Variants in GSS observed in about 807,000 individuals in gnomAD.
The protein encoded by GSS is GSH synthetase.
GSS carries 34 observed loss-of-function variants against 60.4 expected under a neutral mutation model. The ratio of observed to expected loss-of-function variants is 0.56; its 90% CI spans 0.43 to 0.75. The LOEUF is 0.75. Among genes scored for constraint, GSS ranks in the 30% least tolerant of loss-of-function variants. The probability of loss-of-function intolerance (pLI) is 0.00; values close to 1 mark genes in which losing one functional copy is unlikely to be tolerated. For missense variants in GSS, 499 were observed against 595.1 expected (o/e 0.84, Z 1.68); for synonymous variants, 224 against 239.0 (o/e 0.94, Z 0.58).
intron 2 of GSS, 22 bp downstream of exon 2, chr20:34,951,702 T>TG (rs2081569505): frequency 1.3e-6 from 2 of 1,592,440 alleles, no homozygotes; most frequent in African/African-American, 2.7e-5. Context: ...GTGAATGCTG[T>TG]GGGGAGGAGC....
chr20:34,941,489 A>C (rs2081482412), intron 6 of GSS, among the ~76,000 whole-genome samples: 1 of 152,244 alleles, frequency 6.6e-6, no homozygotes, highest in African/African-American at 2.4e-5. Flanking sequence ...AATTGTTGAC[A>C]GTCATAATGA....
At chr20:34,936,698 G>A in intron 8 of GSS, 65 bp downstream of exon 8, 1 of 1,069,500 alleles carries the variant, frequency 9.4e-7, no homozygotes, top group Non-Finnish European at 1.5e-6. Context: ...GAATCATTTT[G>A]GGGAAGAGGG....
At chr20:34,954,682 TCAAATCTA>T (rs1764390305) in intron 1 of GSS, 1 of 153,778 alleles carries the variant, frequency 6.5e-6, no homozygotes, top group South Asian at 2.1e-4. Context: ...CTGATGACAT[TCAAATCTA>T]CATCTTCACA....
At position 34,931,978 on chromosome 20, in the gene GSS, G is replaced by A. The variant is rs775287326; in HGVS notation, c.990C>T (p.Arg330=). The A allele has an allele frequency of 6.8e-6, 11 of 1,614,182 alleles. No individual in the cohort carries two copies. The Admixed American group carries it at 1.8e-4, about 27-fold the overall frequency. ...AGAGGCCAGCAAAGGTGGCGCGGAG[G>A]CGGGCCACAGCCTCAGGCTGGCCAG... ...LLPGQPEAVA[R]LRATFAGLYS... is the part of the protein sequence containing the mutation. The change falls in exon 10 of 13, where the codon CGC becomes CGT. Residue 330 remains arginine, a synonymous_variant. Transcript: ENST00000651619.
intron 11 of GSS, 136 bp downstream of exon 11, chr20:34,931,200 T>G (rs1454153080): frequency 1.3e-6 from 1 of 756,508 alleles, no homozygotes; most frequent in African/African-American, 1.7e-5. Context: ...GGGGACACTG[T>G]CCAACATGTG....
At chr20:34,933,290 T>G (rs2081416689) in intron 9 of GSS, among the ~76,000 whole-genome samples, 1 of 152,158 alleles carries the variant, frequency 6.6e-6, no homozygotes, top group Non-Finnish European at 1.5e-5. Flanking sequence ...CAATAAATAT[T>G]TGTTGTTGTT....
chr20:34,947,035 T>C (rs945158617), intron 2 of GSS, among the ~76,000 whole-genome samples: 1 of 152,190 alleles, frequency 6.6e-6, no homozygotes, highest in Admixed American at 6.5e-5. Context: ...TTTGTCATTA[T>C]GGTGGTATAA....
At chr20:34,947,094 AT>A (rs575464358) in intron 2 of GSS, among the ~76,000 whole-genome samples, 41 of 147,322 alleles carry the variant, frequency 2.8e-4, no homozygotes, top group South Asian at 6.4e-4. Context: ...TTAAAGTACT[AT>A]TTTTTTTTTT....
At position 34,940,450 on chromosome 20, in the gene GSS, GGACA is replaced by G. The variant is rs748774727; in HGVS notation, c.608+1259_608+1262del. On this transcript the variant is annotated intron_variant, in intron 6 of 12. Transcript: ENST00000651619. ...CTTTGGGCTTAGTGAGGCTTAGCAA[GGACA>G]GAGAGGCTCCCTTGGAGGTAAGAGC... 8.7e-4 allele frequency among the ~76,000 whole-genome samples: 132 copies of G among 152,226 alleles called. 2 individuals carry two copies. The highest frequency in any genetic ancestry group is 3.1e-4 in the Non-Finnish European group (21 of 68,040).
Position 34,929,384 on chromosome 20 carries a change from T to G in GSS, c.1301+17A>C. 6.2e-7 allele frequency: 1 copy of G among 1,608,020 alleles called. No individual in the cohort carries two copies. Among genetic ancestry groups the G allele is most frequent in the Non-Finnish European group, 8.5e-7 (1 of 1,174,396 alleles). On this transcript the variant is annotated intron_variant, in intron 12 of 12. Coordinates refer to ENST00000651619, the MANE Select transcript of GSS (RefSeq NM_000178.4). Reference sequence around the variant, plus strand: ...TTGCAAGCAGGTAGTGGAAAGAGCTTCTCCTGATTGGCTCACCTGACATAG... The same window carrying G: ...TTGCAAGCAGGTAGTGGAAAGAGCTGCTCCTGATTGGCTCACCTGACATAG...
At chr20:34,937,048 G>C in intron 6 of GSS, 25 bp from the exon 7 acceptor site, 1 of 1,554,842 alleles carries the variant, frequency 6.4e-7, no homozygotes, top group Non-Finnish European at 8.9e-7. Flanking sequence ...CAGGTGGCCC[G>C]AGGCTACTAT....
intron 3 of GSS, among the ~76,000 whole-genome samples, chr20:34,944,496 C>T (rs1243968885): frequency 6.6e-6 from 1 of 152,086 alleles, no homozygotes; most frequent in Non-Finnish European, 1.5e-5. Context: ...CCATTATGAC[C>T]CCTTCTCATA....
intron 3 of GSS, among the ~76,000 whole-genome samples, 172 bp downstream of exon 3, chr20:34,945,781 C>T (rs1006172074): frequency 3.3e-5 from 5 of 152,166 alleles, no homozygotes; most frequent in East Asian, 1.9e-4. Flanking sequence ...AATAACTGGT[C>T]GAGCCAGGAT....
chr20:34,930,264 C>CA (rs34585562), intron 11 of GSS, among the ~76,000 whole-genome samples: 37,335 of 130,394 alleles, frequency 0.29, 6,006 homozygotes, highest in Non-Finnish European at 0.39. Context: ...GAATCCGTCT[C>CA]AAAAAAAAAA....
At chr20:34,953,918 CAAGT>C (rs2081589950) in intron 1 of GSS, among the ~76,000 whole-genome samples, 2 of 152,162 alleles carry the variant, frequency 1.3e-5, no homozygotes, top group Non-Finnish European at 2.9e-5. Flanking sequence ...ACTTCCCTTT[CAAGT>C]AAGATTGCTG....
chr20:34,931,264 G>C, intron 11 of GSS, 72 bp downstream of exon 11: 1 of 1,164,978 alleles, frequency 8.6e-7, no homozygotes, highest in South Asian at 1.2e-5. Flanking sequence ...CCCAGAGTAA[G>C]TGCCAATGAG....
chr20:34,931,582 C>T (rs939683012), intron 10 of GSS, 165 bp from the exon 11 acceptor site: 6 of 700,048 alleles, frequency 8.6e-6, no homozygotes, highest in East Asian at 2.7e-5. Flanking sequence ...TCCCAACAAA[C>T]CCCCTGCAGC....
At chr20:34,929,126 G>A (rs1265392014) in intron 12 of GSS, 175 bp from the exon 13 acceptor site, 6 of 781,004 alleles carry the variant, frequency 7.7e-6, no homozygotes, top group Non-Finnish European at 1.3e-5. Flanking sequence ...GTCAAACCAT[G>A]TGTTCTGAGT....
At chr20:34,951,042 AC>A (rs936898822) in intron 2 of GSS, among the ~76,000 whole-genome samples, 18 of 152,156 alleles carry the variant, frequency 1.2e-4, no homozygotes, top group African/African-American at 4.3e-4. Context: ...GCCCCAACAG[AC>A]ATATGCATGG....
Sources: allele counts gnomAD v4.1 joint callset (sites outside exome capture counted in the v4.1 genomes callset), GRCh38; gene constraint gnomAD v4.1.1; transcripts MANE v1.5; gene names NCBI Gene and HGNC (gene_info 2026-07-23, HGNC 2026-07-21).